FRMD4A: variants seen among roughly 807,000 people sequenced by gnomAD.
The protein encoded by FRMD4A is FERM domain containing 4A, also known as FERM domain-containing protein 4A.
A neutral mutation model predicts 129.1 loss-of-function variants in FRMD4A; 29 were observed. The ratio of observed to expected loss-of-function variants is 0.22; its 90% CI spans 0.17 to 0.31. The LOEUF (loss-of-function observed/expected upper bound fraction) is 0.31. Among genes scored for constraint, FRMD4A ranks in the 10% least tolerant of loss-of-function variants. The pLI is 1.00. For missense variants in FRMD4A, 1,272 were observed against 1,375.8 expected, an observed-to-expected ratio of 0.92 and a Z score of 1.19; for synonymous variants, 634 against 571.6, an observed-to-expected ratio of 1.11 and a Z score of -1.56.
intron 3 of FRMD4A, among the ~76,000 whole-genome samples, chr10:13,839,200 C>T (rs751207607): frequency 2.0e-5 from 3 of 151,800 alleles, no homozygotes; most frequent in Non-Finnish European, 2.9e-5. Flanking sequence ...GAGATGGGGT[C>T]TTGCTGTCCT....
At chr10:13,669,512 C>G (rs2083342259) in intron 17 of FRMD4A, among the ~76,000 whole-genome samples, 1 of 152,244 alleles carries the variant, frequency 6.6e-6, no homozygotes, top group African/African-American at 2.4e-5. Flanking sequence ...TCACCCTAAT[C>G]CTACCTACCC....
intron 3 of FRMD4A, among the ~76,000 whole-genome samples, chr10:13,826,780 G>T (rs575075695): frequency 1.3e-5 from 2 of 152,072 alleles, no homozygotes; most frequent in Non-Finnish European, 2.9e-5. Flanking sequence ...CTGCTCTCCC[G>T]GGAGGCTAAA....
At chr10:14,231,736 A>T (rs1843647277) in intron 2 of FRMD4A, among the ~76,000 whole-genome samples, 1 of 151,934 alleles carries the variant, frequency 6.6e-6, no homozygotes, top group South Asian at 2.1e-4. Context: ...TTCTTTTAAG[A>T]AGTGTTTGTT....
chr10:13,860,841 T>C (rs1019521826), intron 2 of FRMD4A, among the ~76,000 whole-genome samples: 1 of 152,108 alleles, frequency 6.6e-6, no homozygotes, highest in Non-Finnish European at 1.5e-5. Context: ...TGCAGTGGTA[T>C]GATCTTAACT....
chr10:13,864,184 C>CG (rs2094332474), intron 2 of FRMD4A, among the ~76,000 whole-genome samples: 1 of 151,578 alleles, frequency 6.6e-6, no homozygotes, highest in Non-Finnish European at 1.5e-5. Context: ...TTAGTAGAGA[C>CG]GGGGTTTCAC....
rs543505895 is a variant in FRMD4A at position 14,275,397 on chromosome 10, C to T, written c.45+54661G>A. ...GCAAAACACATCGGGGTGAGTGTATCGCAACCTTATCTTTCCTTTTAACCA... is the reference window on the plus strand; with the variant it reads ...GCAAAACACATCGGGGTGAGTGTATTGCAACCTTATCTTTCCTTTTAACCA... On this transcript the variant is annotated intron_variant, in intron 2 of 24. Coordinates refer to ENST00000357447, the MANE Select transcript of FRMD4A (RefSeq NM_018027.5). 1.4e-4 allele frequency among the ~76,000 whole-genome samples: 22 copies of T among 152,320 alleles called. No homozygotes were observed. The South Asian group carries it at 3.5e-3, about 24-fold the overall frequency.
chr10:14,076,338 C>G (rs1285005285), intron 2 of FRMD4A, among the ~76,000 whole-genome samples: 1 of 152,162 alleles, frequency 6.6e-6, no homozygotes, highest in Non-Finnish European at 1.5e-5. Flanking sequence ...GAAGCCAGAT[C>G]CACATTAAAA....
chr10:13,868,848 G>A (rs890257750), intron 2 of FRMD4A, among the ~76,000 whole-genome samples: 1 of 152,166 alleles, frequency 6.6e-6, no homozygotes, highest in African/African-American at 2.4e-5. Flanking sequence ...GGTTCTTGGT[G>A]GCTGGATACA....
chr10:14,267,612 A>G (rs1845022540), intron 2 of FRMD4A, among the ~76,000 whole-genome samples: 1 of 152,240 alleles, frequency 6.6e-6, no homozygotes, highest in Non-Finnish European at 1.5e-5. Context: ...CTACAATTCA[A>G]GCAATTAGGA....
At chr10:13,871,510 T>G (rs1243018083) in intron 2 of FRMD4A, among the ~76,000 whole-genome samples, 3 of 152,142 alleles carry the variant, frequency 2.0e-5, no homozygotes, top group Non-Finnish European at 4.4e-5. Flanking sequence ...CAGAATCCGT[T>G]TCAATGCCTC....
rs11377448 is a variant in FRMD4A at position 14,000,646 on chromosome 10, C to CAAAAAAAAAAAAA, written c.46-141747_46-141735dup. On this transcript the variant is annotated intron_variant, in intron 2 of 24. Coordinates refer to ENST00000357447, the MANE Select transcript of FRMD4A (RefSeq NM_018027.5). ...TGGGTGACAGAGCAAGACGCCACCT[C>CAAAAAAAAAAAAA]AAAAAAAAAAAAAAAAAAAAAAGAG... Among the ~76,000 whole-genome samples, 40 of 43,452 alleles carry CAAAAAAAAAAAAA rather than the reference C, an allele frequency of 9.2e-4. 1 individual carries two copies. Among genetic ancestry groups the CAAAAAAAAAAAAA allele is most frequent in the African/African-American group, 1.9e-3 (23 of 11,996 alleles). 28.5% of individuals were successfully genotyped at this position (43,452 alleles called of 152,430 possible).
intron 2 of FRMD4A, among the ~76,000 whole-genome samples, chr10:14,280,703 C>G (rs1845489875): frequency 6.6e-6 from 1 of 152,120 alleles, no homozygotes. Flanking sequence ...CTAAAAGTCC[C>G]TAGGTATGTG....
intron 2 of FRMD4A, among the ~76,000 whole-genome samples, chr10:14,226,328 C>G (rs182329181): frequency 1.2e-3 from 181 of 152,274 alleles, no homozygotes; most frequent in Non-Finnish European, 2.3e-3. Context: ...CAACAGCTCA[C>G]TGTACCTCTC....
chr10:14,068,832 G>C (rs1310271056), intron 2 of FRMD4A, among the ~76,000 whole-genome samples: 1 of 152,026 alleles, frequency 6.6e-6, no homozygotes, highest in Non-Finnish European at 1.5e-5. Flanking sequence ...AAGGAAGAAA[G>C]CTGTCTTATT....
At chr10:13,968,070 G>T (rs116836451) in intron 2 of FRMD4A, among the ~76,000 whole-genome samples, 1 of 152,152 alleles carries the variant, frequency 6.6e-6, no homozygotes, top group South Asian at 2.1e-4. Flanking sequence ...CAGTGATCCT[G>T]ATGCTGCCTT....
At chr10:13,714,902 G>T (rs1325204721) in intron 12 of FRMD4A, among the ~76,000 whole-genome samples, 6 of 152,068 alleles carry the variant, frequency 3.9e-5, no homozygotes, top group Admixed American at 1.3e-4. Context: ...AGCTGGGCGT[G>T]GTGGCTCACG....
At chr10:13,783,194 T>C (rs758128092) in intron 5 of FRMD4A, among the ~76,000 whole-genome samples, 188 bp from the exon 6 acceptor site, 3 of 152,248 alleles carry the variant, frequency 2.0e-5, no homozygotes, top group Non-Finnish European at 4.4e-5. Flanking sequence ...GTTTTGATAG[T>C]GGCTTAGGGT....
At chr10:13,657,788 G>GTTTTTTTTTTT (rs10695622) in intron 21 of FRMD4A, among the ~76,000 whole-genome samples, 3 of 143,306 alleles carry the variant, frequency 2.1e-5, no homozygotes, top group African/African-American at 7.8e-5. Context: ...CGATTTCTGG[G>GTTTTTTTTTTT]TTTTTTTTTT....
At chr10:14,056,352 T>A (rs1011433820) in intron 2 of FRMD4A, among the ~76,000 whole-genome samples, 22 of 152,292 alleles carry the variant, frequency 1.4e-4, no homozygotes, top group Non-Finnish European at 2.1e-4. Flanking sequence ...TTTATAACTA[T>A]GTTTTTGTGT....
Sources: gnomAD v4.1 joint callset for allele counts (sites outside exome capture counted in the v4.1 genomes callset) on GRCh38, gnomAD v4.1.1 for gene constraint, MANE v1.5 for transcripts, NCBI Gene and HGNC (gene_info 2026-07-23, HGNC 2026-07-21) for gene names.